The following SLC7A2 variants were observed in gnomAD, a reference collection of about 807,000 sequenced individuals.
The protein encoded by SLC7A2 is cationic amino acid transporter 2.
In SLC7A2, 48 loss-of-function variants were observed where a neutral mutation model predicts 58.9. The observed-to-expected ratio is 0.82, with a 90% CI of 0.65 to 1.04. SLC7A2 has a LOEUF of 1.04. Among genes scored for constraint, SLC7A2 ranks in the 50% least tolerant of loss-of-function variants. The pLI is 0.00. For synonymous variants in SLC7A2, 363 were observed against 314.5 expected (o/e 1.15, Z -1.63); for missense variants, 1,029 against 818.8 (o/e 1.26, Z -3.13).
rs777770011 is a variant in SLC7A2, at chr8:17,543,704, C to T, written c.365C>T (p.Ser122Leu). 14 of 1,517,382 alleles carry T rather than the reference C, an allele frequency of 9.2e-6. No homozygotes were observed. The highest frequency in any genetic ancestry group is 1.2e-5 in the Non-Finnish European group (14 of 1,133,830). The allele number at this position is 1,517,382 out of a possible 1,614,324, so 94.0% of individuals were successfully genotyped here. A position where few individuals can be genotyped will look rare whatever the true frequency, so the allele number is the denominator to read the frequency against. Residue 122 changes from serine to leucine, a missense_variant, in exon 3 of 13, where the codon TCG (serine) becomes TTG (leucine). Transcript: ENST00000494857. Reference protein sequence around the residue: ...AFITGWNLILSYVIGTSSVAR... With the variant: ...AFITGWNLILLYVIGTSSVAR... ...ATCACTGGCTGGAATCTCATTTTATCGTATGTGATAGGTATGTTTCAAAAA... is the reference window on the plus strand; with the variant it reads ...ATCACTGGCTGGAATCTCATTTTATTGTATGTGATAGGTATGTTTCAAAAA...
intron 2 of SLC7A2, among the ~76,000 whole-genome samples, chr8:17,525,957 G>C (rs1739280209): frequency 6.6e-6 from 1 of 152,140 alleles, no homozygotes; most frequent in Non-Finnish European, 1.5e-5. Flanking sequence ...TGATGGGGAA[G>C]TAATTTGCAT....
In SLC7A2 at chr8:17,499,819, A is replaced by G. The variant is rs566206828; in HGVS notation, c.-68-2438A>G. Among the ~76,000 whole-genome samples, 3 of 152,284 alleles carry G rather than the reference A, an allele frequency of 2.0e-5. 1 individual carries two copies. In the South Asian group the frequency reaches 6.2e-4, roughly 32 times the overall value. On this transcript the variant is annotated intron_variant, in intron 1 of 12. Coordinates refer to ENST00000494857, the MANE Select transcript of SLC7A2 (RefSeq NM_001370338.1). ...CTTTAATCTGGATATTAAAAACCAT[A>G]TAGATACAACCTTGAATGACAACAG...
chr8:17,554,825 T>G, intron 8 of SLC7A2, 126 bp downstream of exon 8: 2 of 1,440,178 alleles, frequency 1.4e-6, no homozygotes, highest in Non-Finnish European at 1.9e-6. Context: ...TTTTTGTGAG[T>G]GTTTCCTATT....
intron 2 of SLC7A2, among the ~76,000 whole-genome samples, chr8:17,517,616 A>G (rs1303570293): frequency 2.0e-5 from 3 of 151,926 alleles, no homozygotes; most frequent in East Asian, 3.8e-4. Flanking sequence ...CTTATCTAGT[A>G]TCTTTCTTTG....
Position 17,558,349 on chromosome 8 carries a change from G to GCA in SLC7A2, c.1254_1255dup (p.Leu419HisfsTer41). On this transcript the variant is annotated frameshift_variant, in exon 9 of 13. Transcript: ENST00000494857. LOFTEE classifies it high-confidence loss of function. Reference sequence around the variant, plus strand: ...GCGCTTGTGGACATGATGTCCATTGGCACACTCATGGCCTACTCTCTGGTG... The same window carrying GCA: ...GCGCTTGTGGACATGATGTCCATTGGCACACACTCATGGCCTACTCTCTGGTG... 1.2e-6 allele frequency: 2 copies of GCA among 1,613,282 alleles called. No homozygotes were observed. Among genetic ancestry groups the GCA allele is most frequent in the Non-Finnish European group, 1.7e-6 (2 of 1,179,634 alleles).
chr8:17,516,234 T>TTAA (rs1491232538), intron 2 of SLC7A2, among the ~76,000 whole-genome samples: 10 of 11,376 alleles, frequency 8.8e-4, no homozygotes, highest in South Asian at 8.8e-3. Context: ...AATTAATTAA[T>TTAA]TTTTTTTTTG....
chr8:17,560,979 A>C (rs1031308381), intron 10 of SLC7A2, among the ~76,000 whole-genome samples: 1 of 152,206 alleles, frequency 6.6e-6, no homozygotes, highest in Non-Finnish European at 1.5e-5. Flanking sequence ...CAGGCACTCC[A>C]CTGGGCACCT....
At chr8:17,532,161 C>T (rs1251724534) in intron 2 of SLC7A2, among the ~76,000 whole-genome samples, 4 of 127,388 alleles carry the variant, frequency 3.1e-5, no homozygotes, top group East Asian at 5.1e-4. Flanking sequence ...ACCCGGGAGG[C>T]GGAGGTTGGA....
intron 2 of SLC7A2, among the ~76,000 whole-genome samples, chr8:17,505,646 C>CT (rs1255465344): frequency 1.3e-5 from 2 of 152,110 alleles, no homozygotes; most frequent in African/African-American, 4.8e-5. Context: ...ATAATTTAAA[C>CT]TGAGTATTTG....
upstream of SLC7A2, among the ~76,000 whole-genome samples, chr8:17,495,069 G>A (rs555097432): frequency 4.6e-5 from 7 of 152,296 alleles, no homozygotes; most frequent in Admixed American, 1.3e-4. Context: ...TAAACACAGA[G>A]CCTTTAAGTA....
intron 2 of SLC7A2, among the ~76,000 whole-genome samples, chr8:17,519,510 C>T (rs544271039): frequency 2.0e-5 from 3 of 152,306 alleles, no homozygotes; most frequent in Non-Finnish European, 2.9e-5. Flanking sequence ...TTGTGAGCTT[C>T]CTGTATCTGA....
At chr8:17,538,813 C>G in intron 2 of SLC7A2, 1 of 1,613,582 alleles carries the variant, frequency 6.2e-7, no homozygotes, top group South Asian at 1.1e-5. Flanking sequence ...CACCACGAAA[C>G]TAGCAACTGG....
chr8:17,554,518 C>T (rs775016951), intron 7 of SLC7A2, 42 bp from the exon 8 acceptor site: 20 of 1,497,954 alleles, frequency 1.3e-5, no homozygotes, highest in Admixed American at 4.5e-5. Context: ...TGTAATCTTG[C>T]ATGAATGTTT....
intron 8 of SLC7A2, chr8:17,555,189 A>G (rs1412640830): frequency 1.0e-6 from 1 of 974,690 alleles, no homozygotes; most frequent in Non-Finnish European, 1.5e-6. Flanking sequence ...GTTAAAAAAA[A>G]CAAAATCACT....
At chr8:17,543,071 A>C (rs1303969992) in intron 2 of SLC7A2, among the ~76,000 whole-genome samples, 2 of 152,166 alleles carry the variant, frequency 1.3e-5, no homozygotes, top group East Asian at 1.9e-4. Context: ...CATTTATTGC[A>C]GTCTCTTATA....
chr8:17,508,087 C>CT (rs146662018), intron 2 of SLC7A2, among the ~76,000 whole-genome samples: 23,332 of 149,724 alleles, frequency 0.16, 1,917 homozygotes, highest in Middle Eastern at 0.23. Context: ...ATTGTGCTCT[C>CT]TTTTTTTTTA....
Position 17,554,594 on chromosome 8 carries a change from A to G in SLC7A2, c.1090A>G (p.Ile364Val). 1.2e-6 allele frequency: 2 copies of G among 1,611,016 alleles called. No individual in the cohort carries two copies. Among genetic ancestry groups the G allele is most frequent in the Non-Finnish European group, 1.7e-6 (2 of 1,179,364 alleles). Residue 364 changes from isoleucine (I) to valine (V), a missense_variant, in exon 8 of 13, where the codon ATC (isoleucine) becomes GTC (valine). By Grantham distance (29) the Ile-to-Val change is conservative. Coordinates refer to ENST00000494857, the MANE Select transcript of SLC7A2 (RefSeq NM_001370338.1). ...LGSIFPMPRV[I>V]YAMAEDGLLF... ...ATCCATTTTCCCAATGCCTCGTGTA[A>G]TCTATGCTATGGCGGAGGATGGGTT...
chr8:17,524,597 G>C (rs1432735163), intron 2 of SLC7A2, among the ~76,000 whole-genome samples: 1 of 152,074 alleles, frequency 6.6e-6, no homozygotes, highest in Non-Finnish European at 1.5e-5. Flanking sequence ...TCACATGTGG[G>C]AGCTAAGCTA....
chr8:17,542,934 C>T (rs1030471618), intron 2 of SLC7A2, among the ~76,000 whole-genome samples: 1 of 152,102 alleles, frequency 6.6e-6, no homozygotes, highest in Non-Finnish European at 1.5e-5. Flanking sequence ...TGCCCTCCAG[C>T]CTGGGCGACA....
Sources: allele counts gnomAD v4.1 joint callset (sites outside exome capture counted in the v4.1 genomes callset), GRCh38; gene constraint gnomAD v4.1.1; transcripts MANE v1.5; gene names NCBI Gene and HGNC (gene_info 2026-07-23, HGNC 2026-07-21).